The following GNA12 variants were observed in gnomAD, a reference collection of about 807,000 sequenced individuals.
GNA12 encodes G protein subunit alpha 12.
A neutral mutation model predicts 26.0 loss-of-function variants in GNA12; 9 were observed. That is an observed-to-expected ratio of 0.35 (90% CI 0.21 to 0.60). The LOEUF is 0.60. Ranked by LOEUF, GNA12 falls within the 20% of genes least tolerant of loss-of-function variation. GNA12 has a pLI of 0.78. For missense variants in GNA12, 405 were observed against 525.8 expected (o/e 0.77, Z 2.25); for synonymous variants, 264 against 219.6 (o/e 1.20, Z -1.79).
chr7:2,735,250 G>A (rs1230444478), intron 2 of GNA12, among the ~76,000 whole-genome samples: 2 of 152,186 alleles, frequency 1.3e-5, no homozygotes, highest in African/African-American at 4.8e-5. Context: ...CTCTCCTGTG[G>A]CCACGGGCTC....
At chr7:2,833,479 AACCC>A (rs578148005) in intron 1 of GNA12, among the ~76,000 whole-genome samples, 58 of 152,322 alleles carry the variant, frequency 3.8e-4, no homozygotes, top group African/African-American at 1.3e-3. Flanking sequence ...CTGAAGGTCA[AACCC>A]TGCTCCCCCT....
At position 2,728,757 on chromosome 7, in the gene GNA12, CAG is replaced by C. The variant is rs1435640910; in HGVS notation, c.*2422_*2423del. On this transcript the variant is annotated 3_prime_UTR_variant, in exon 4 of 4. Coordinates refer to ENST00000275364, the MANE Select transcript of GNA12 (RefSeq NM_007353.3). ...AGTTGTGAATGACAGTTTAGCCTTG[CAG>C]AGTTTCCTTCTTCTCCAATTACAAT... 1.1e-4 allele frequency: 17 copies of C among 152,392 alleles called. No homozygotes were observed. Among genetic ancestry groups the C allele is most frequent in the African/African-American group, 4.1e-4 (17 of 41,442 alleles). The allele number at this position is 152,392 out of a possible 1,614,324, so 9.4% of individuals were successfully genotyped here. A position where few individuals can be genotyped will look rare whatever the true frequency, so the allele number is the denominator to read the frequency against.
chr7:2,816,881 C>T (rs1275396738), intron 1 of GNA12, among the ~76,000 whole-genome samples: 1 of 152,184 alleles, frequency 6.6e-6, no homozygotes, highest in Non-Finnish European at 1.5e-5. Context: ...GTGCAATGCA[C>T]TCCGGTGACT....
intron 2 of GNA12, among the ~76,000 whole-genome samples, chr7:2,784,149 G>C (rs528616639): frequency 1.3e-5 from 2 of 152,240 alleles, no homozygotes; most frequent in African/African-American, 4.8e-5. Context: ...ACAGGGTCTT[G>C]CTTTGTCACT....
At chr7:2,824,092 C>T (rs1583310346) in intron 1 of GNA12, among the ~76,000 whole-genome samples, 1 of 152,198 alleles carries the variant, frequency 6.6e-6, no homozygotes, top group African/African-American at 2.4e-5. Flanking sequence ...TCAACATCAA[C>T]ACTTTCACAA....
At chr7:2,736,418 G>A (rs1454638307) in intron 2 of GNA12, among the ~76,000 whole-genome samples, 3 of 150,262 alleles carry the variant, frequency 2.0e-5, no homozygotes, top group Non-Finnish European at 4.5e-5. Flanking sequence ...AGCGGCCACT[G>A]AGCACACACC....
chr7:2,744,995 G>T (rs537389806), intron 2 of GNA12, among the ~76,000 whole-genome samples: 1 of 152,242 alleles, frequency 6.6e-6, no homozygotes, highest in African/African-American at 2.4e-5. Flanking sequence ...AACGAACAAG[G>T]CCTCCAAGAA....
intron 1 of GNA12, chr7:2,814,936 A>G (rs1378539222): frequency 6.3e-7 from 1 of 1,586,410 alleles, no homozygotes; most frequent in South Asian, 1.2e-5. Context: ...TTCATTTCAA[A>G]TGCCTACAAT....
At chr7:2,775,385 TAAA>T (rs894378452) in intron 2 of GNA12, 1 of 152,210 alleles carries the variant, frequency 6.6e-6, no homozygotes, top group Non-Finnish European at 1.5e-5. Flanking sequence ...TCATGGGGTC[TAAA>T]AAGGTTCTGG....
chr7:2,753,142 T>C (rs1711848081), intron 2 of GNA12, among the ~76,000 whole-genome samples: 2 of 151,126 alleles, frequency 1.3e-5, no homozygotes, highest in South Asian at 2.1e-4. Context: ...AGTGAAACCA[T>C]ACAGCATGCG....
chr7:2,812,547 T>C (rs1583301717), intron 1 of GNA12, among the ~76,000 whole-genome samples: 1 of 152,016 alleles, frequency 6.6e-6, no homozygotes, highest in East Asian at 1.9e-4. Flanking sequence ...GAGAATCACT[T>C]AAACCCAGGA....
intron 2 of GNA12, among the ~76,000 whole-genome samples, chr7:2,764,244 C>CTTT (rs35992308): frequency 5.0e-5 from 7 of 139,342 alleles, no homozygotes; most frequent in African/African-American, 1.1e-4. Flanking sequence ...CAGCTAATTT[C>CTTT]TTTTTTTTTT....
At chr7:2,733,372 A>T in intron 3 of GNA12, 79 bp downstream of exon 3, 1 of 1,199,042 alleles carries the variant, frequency 8.3e-7, no homozygotes, top group Non-Finnish European at 1.2e-6. Context: ...CAAAGTCCTC[A>T]CAACGTGGAC....
At chr7:2,784,269 C>T (rs1272272649) in intron 2 of GNA12, among the ~76,000 whole-genome samples, 1 of 152,150 alleles carries the variant, frequency 6.6e-6, no homozygotes, top group Non-Finnish European at 1.5e-5. Context: ...AGTCACATGC[C>T]ACCACACCTG....
Position 2,733,433 on chromosome 7 carries a change from G to C in GNA12, c.576+18C>G. 2 of 1,610,868 alleles carry C rather than the reference G, an allele frequency of 1.2e-6. No homozygotes were observed. The highest frequency in any genetic ancestry group is 1.7e-6 in the Non-Finnish European group (2 of 1,177,556). ...TAACCCTGGAGCCCAGCTTCTTCGG[G>C]CGGGCGTGCTTACTCACCAGCTGGC... On this transcript the variant is annotated intron_variant, in intron 3 of 3. Coordinates refer to ENST00000275364, the MANE Select transcript of GNA12 (RefSeq NM_007353.3).
chr7:2,791,281 C>A (rs1792511353), intron 2 of GNA12, among the ~76,000 whole-genome samples: 1 of 152,208 alleles, frequency 6.6e-6, no homozygotes, highest in Non-Finnish European at 1.5e-5. Context: ...AACTGAGCCA[C>A]AGAAGTGATG....
At chr7:2,835,521 G>C (rs961632731) in intron 1 of GNA12, 1 of 459,742 alleles carries the variant, frequency 2.2e-6, no homozygotes, top group Non-Finnish European at 4.1e-6. Flanking sequence ...AGGGAATGTG[G>C]AGACAGGGTT....
chr7:2,767,717 G>C (rs777427028), intron 2 of GNA12, among the ~76,000 whole-genome samples: 4 of 152,138 alleles, frequency 2.6e-5, no homozygotes, highest in Non-Finnish European at 5.9e-5. Context: ...TTGGAATTCA[G>C]AAACTTTCAG....
At chr7:2,758,039 G>A (rs1453320214) in intron 2 of GNA12, among the ~76,000 whole-genome samples, 1 of 152,140 alleles carries the variant, frequency 6.6e-6, no homozygotes, top group African/African-American at 2.4e-5. Flanking sequence ...AAAACCTCTT[G>A]CTTGGGGATG....
Sources: allele counts gnomAD v4.1 joint callset (sites outside exome capture counted in the v4.1 genomes callset), GRCh38; gene constraint gnomAD v4.1.1; transcripts MANE v1.5; gene names NCBI Gene and HGNC (gene_info 2026-07-23, HGNC 2026-07-21).